C3orf70: variants seen among roughly 807,000 people sequenced by gnomAD.
C3orf70 encodes chromosome 3 open reading frame 70, also known as UPF0524 protein C3orf70.
C3orf70 carries 15 observed loss-of-function variants against 20.7 expected under a neutral mutation model. That is an observed-to-expected ratio of 0.72 (90% CI 0.48 to 1.11). C3orf70 has a LOEUF of 1.11. C3orf70 is among the 50% of genes most tolerant of loss of function. The pLI is 0.00. For missense variants in C3orf70, 332 were observed against 317.6 expected (o/e 1.05, Z -0.34); for synonymous variants, 161 against 125.7 (o/e 1.28, Z -1.88).
In C3orf70 at chr3:185,080,559, G is replaced by A. The variant is rs143083193; in HGVS notation, c.*2448C>T. The A allele has an allele frequency of 2.0e-5, 3 of 152,708 alleles. No homozygotes were observed. The highest frequency in any genetic ancestry group is 4.8e-5 in the African/African-American group (2 of 41,452). The allele number at this position is 152,708 out of a possible 1,614,324, so 9.5% of individuals were successfully genotyped here. A position where few individuals can be genotyped will look rare whatever the true frequency, so the allele number is the denominator to read the frequency against. On this transcript the variant is annotated 3_prime_UTR_variant, in exon 2 of 2. Transcript: ENST00000335012. ...CCCTTTATACGCCCATCTGGAGAAC[G>A]GGCTCACCCACAGGGTGAATCTAGA...
At chr3:185,152,526 G>A in intron 1 of C3orf70, 102 bp downstream of exon 1, 2 of 1,077,946 alleles carry the variant, frequency 1.9e-6, no homozygotes, top group Non-Finnish European at 2.5e-6. Flanking sequence ...CCCCGGCAGA[G>A]CCCGGAGCCC....
At position 185,152,852 on chromosome 3, in the gene C3orf70, C is replaced by T. The variant is rs753611786; in HGVS notation, c.-29G>A. ...CTCTCCCTCCGCGCGGAGCCGACAC[C>T]GGGAGCCCGGGAGAAGCGACGTCTG... On this transcript the variant is annotated 5_prime_UTR_variant, in exon 1 of 2. Transcript: ENST00000335012. 3 of 1,476,732 alleles carry T rather than the reference C, an allele frequency of 2.0e-6. No individual in the cohort carries two copies. The highest frequency in any genetic ancestry group is 1.3e-5 in the South Asian group (1 of 74,300). 91.5% of individuals were successfully genotyped at this position (1,476,732 alleles called of 1,614,324 possible).
intron 1 of C3orf70, among the ~76,000 whole-genome samples, chr3:185,108,250 T>C (rs1715989535): frequency 6.6e-6 from 1 of 152,236 alleles, no homozygotes; most frequent in Admixed American, 6.5e-5. Flanking sequence ...GGTCTAGCAA[T>C]GGTAAAGCTT....
rs1258785888 is a variant in C3orf70, at chr3:185,083,093, T to C, written c.667A>G (p.Ser223Gly). 6.2e-7 allele frequency: 1 copy of C among 1,614,046 alleles called. No individual in the cohort carries two copies. Among genetic ancestry groups the C allele is most frequent in the Non-Finnish European group, 8.5e-7 (1 of 1,180,034 alleles). ...LSSEEDYSPE[S>G]SWEPDECTLL... The stretch of plus-strand genomic sequence containing the variant: ...GTGCACTCATCCGGTTCCCAGCTGC[T>C]CTCTGGACTGTAATCTTCCTCTGAA... Residue 223 changes from serine to glycine, a missense_variant, in exon 2 of 2, where the codon AGC becomes GGC. By Grantham distance (56) the Ser-to-Gly change is moderately conservative. Coordinates refer to ENST00000335012, the MANE Select transcript of C3orf70 (RefSeq NM_001025266.3).
chr3:185,083,098 G>C lies in C3orf70; in HGVS notation c.662C>G (p.Pro221Arg). The C allele has an allele frequency of 6.2e-7, 1 of 1,614,136 alleles. No homozygotes were observed. The highest frequency in any genetic ancestry group is 8.5e-7 in the Non-Finnish European group (1 of 1,180,032). The change falls in exon 2 of 2, where the codon CCA (proline) becomes CGA (arginine). Residue 221 changes from proline to arginine, a missense_variant. Transcript: ENST00000335012. ...AELSSEEDYS[P>R]ESSWEPDECT... is the part of the protein sequence containing the mutation. The stretch of plus-strand genomic sequence containing the variant: ...CTCATCCGGTTCCCAGCTGCTCTCT[G>C]GACTGTAATCTTCCTCTGAACTCAG...
intron 1 of C3orf70, among the ~76,000 whole-genome samples, chr3:185,091,480 G>C (rs763166145): frequency 3.3e-5 from 5 of 152,106 alleles, no homozygotes; most frequent in Non-Finnish European, 7.4e-5. Context: ...ATGTGGTCTG[G>C]TAAATGTGTG....
rs1715305221 is a variant in C3orf70, at chr3:185,080,336, C to CT, written c.*2670dup. ...CTAATCAGAATGGCAGTTCAGGAGT[C>CT]TAAAAAAACAGGAACCTAGACAGAA... On this transcript the variant is annotated 3_prime_UTR_variant, in exon 2 of 2. Transcript: ENST00000335012. The CT allele has an allele frequency of 6.6e-6, 1 of 152,570 alleles. No homozygotes were observed. Among genetic ancestry groups the CT allele is most frequent in the Non-Finnish European group, 1.5e-5 (1 of 68,028 alleles). 9.5% of individuals were successfully genotyped at this position (152,570 alleles called of 1,614,324 possible).
At chr3:185,140,991 A>C (rs1716740202) in intron 1 of C3orf70, among the ~76,000 whole-genome samples, 3 of 151,430 alleles carry the variant, frequency 2.0e-5, no homozygotes, top group Admixed American at 2.0e-4. Flanking sequence ...AGAAAAAAAA[A>C]GAAAAAGACC....
chr3:185,101,703 C>T (rs942846400), intron 1 of C3orf70, among the ~76,000 whole-genome samples: 5 of 152,048 alleles, frequency 3.3e-5, no homozygotes, highest in Non-Finnish European at 5.9e-5. Context: ...ACTCTGTCAA[C>T]GAGACAACAC....
chr3:185,085,420 G>GCCC (rs1222273514), intron 1 of C3orf70, among the ~76,000 whole-genome samples: 1 of 151,946 alleles, frequency 6.6e-6, no homozygotes, highest in African/African-American at 2.4e-5. Flanking sequence ...AGCCACTCAG[G>GCCC]TACCACAATT....
At chr3:185,128,291 G>A (rs1165913644) in intron 1 of C3orf70, among the ~76,000 whole-genome samples, 1 of 152,112 alleles carries the variant, frequency 6.6e-6, no homozygotes, top group Admixed American at 6.5e-5. Context: ...CACTTTGGGA[G>A]GCGAGGCGGG....
At chr3:185,112,551 C>T (rs1553920561) in intron 1 of C3orf70, among the ~76,000 whole-genome samples, 1 of 152,134 alleles carries the variant, frequency 6.6e-6, no homozygotes, top group Non-Finnish European at 1.5e-5. Context: ...ATCAGCATTC[C>T]TTGATAGGCT....
At chr3:185,138,479 T>C (rs1386920594) in intron 1 of C3orf70, among the ~76,000 whole-genome samples, 1 of 150,662 alleles carries the variant, frequency 6.6e-6, no homozygotes, top group Non-Finnish European at 1.5e-5. Flanking sequence ...ACACCTGTCA[T>C]AAAGACATAA....
At chr3:185,086,592 G>A (rs1715463191) in intron 1 of C3orf70, among the ~76,000 whole-genome samples, 1 of 152,194 alleles carries the variant, frequency 6.6e-6, no homozygotes, top group Non-Finnish European at 1.5e-5. Context: ...TCTAGACTGT[G>A]AGAAATACAC....
chr3:185,139,156 G>GAAGGAAGAGGAGGAAGGAGGAGCAGA (rs1716693829), intron 1 of C3orf70, among the ~76,000 whole-genome samples: 1 of 149,420 alleles, frequency 6.7e-6, no homozygotes, highest in Non-Finnish European at 1.5e-5. Context: ...GGAGGAGGAG[G>GAAGGAAGAGGAGGAAGGAGGAGCAGA]AAGGAGGAGC....
chr3:185,139,398 C>T (rs11927297), intron 1 of C3orf70, among the ~76,000 whole-genome samples: 3,330 of 151,464 alleles, frequency 0.022, 101 homozygotes, highest in African/African-American at 0.075. Context: ...ACTAAAAATA[C>T]GAAAATGAGC....
intron 1 of C3orf70, among the ~76,000 whole-genome samples, chr3:185,102,530 G>A (rs1715842500): frequency 6.6e-6 from 1 of 152,132 alleles, no homozygotes; most frequent in South Asian, 2.1e-4. Flanking sequence ...AACTACAAAT[G>A]ACATTCTTCA....
intron 1 of C3orf70, among the ~76,000 whole-genome samples, chr3:185,105,806 C>T (rs559925444): frequency 2.1e-4 from 32 of 152,288 alleles, no homozygotes; most frequent in Admixed American, 1.6e-3. Context: ...CACCAGAGTA[C>T]TCTTAAAGCA....
intron 1 of C3orf70, among the ~76,000 whole-genome samples, chr3:185,093,892 CAG>C (rs1392883045): frequency 1.3e-5 from 2 of 151,936 alleles, no homozygotes; most frequent in African/African-American, 4.8e-5. Flanking sequence ...TCAGGATCCT[CAG>C]GGGATTGGTT....
Sources: gnomAD v4.1 joint callset for allele counts (sites outside exome capture counted in the v4.1 genomes callset) on GRCh38, gnomAD v4.1.1 for gene constraint, MANE v1.5 for transcripts, NCBI Gene and HGNC (gene_info 2026-07-23, HGNC 2026-07-21) for gene names.